WDFY3: variants seen among roughly 807,000 people sequenced by gnomAD.
WDFY3 encodes WD repeat and FYVE domain containing 3.
A neutral mutation model predicts 409.6 loss-of-function variants in WDFY3; 66 were observed. That is an observed-to-expected ratio of 0.16 (90% CI 0.13 to 0.20). The LOEUF is 0.20. WDFY3 is among the 10% of genes least tolerant of loss of function. The probability of loss-of-function intolerance (pLI) is 1.00; values close to 1 mark genes in which losing one functional copy is unlikely to be tolerated. For synonymous variants in WDFY3, 1,521 were observed against 1,537.1 expected (o/e 0.99, Z 0.25); for missense variants, 3,031 against 4,298.1 (o/e 0.71, Z 8.24).
chr4:84,692,704 G>GA (rs1306429045), intron 59 of WDFY3, among the ~76,000 whole-genome samples, 181 bp downstream of exon 59: 2 of 151,076 alleles, frequency 1.3e-5, no homozygotes, highest in Non-Finnish European at 3.0e-5. Context: ...AGAAAACAGA[G>GA]AAAAAAAAGC....
intron 2 of WDFY3, among the ~76,000 whole-genome samples, chr4:84,898,110 T>C (rs976379072): frequency 2.0e-5 from 3 of 152,228 alleles, no homozygotes; most frequent in African/African-American, 7.2e-5. Flanking sequence ...TTAATTTAAA[T>C]ATATGAAGTA....
chr4:84,723,777 A>G (rs532166316), intron 46 of WDFY3, among the ~76,000 whole-genome samples: 2 of 152,340 alleles, frequency 1.3e-5, no homozygotes, highest in Admixed American at 1.3e-4. Context: ...ATGATTTTAT[A>G]TATGACCAGT....
chr4:84,751,413 T>C, intron 36 of WDFY3, 70 bp downstream of exon 36: 1 of 1,474,522 alleles, frequency 6.8e-7, no homozygotes, highest in Non-Finnish European at 9.4e-7. Flanking sequence ...TTATAGAACT[T>C]GTTTGGTTAC....
At chr4:84,677,820 G>A (rs116254831) in intron 66 of WDFY3, among the ~76,000 whole-genome samples, 10,057 of 151,476 alleles carry the variant, frequency 0.066, 456 homozygotes, top group Admixed American at 0.12. Context: ...AAAATTAGCC[G>A]GGTGTGATGG....
intron 5 of WDFY3, among the ~76,000 whole-genome samples, chr4:84,848,255 A>G (rs1578799772): frequency 6.6e-6 from 1 of 151,932 alleles, no homozygotes; most frequent in East Asian, 1.9e-4. Context: ...AAAAGCTTCT[A>G]GAAAAAAAAA....
chr4:84,684,830 C>G (rs1728020060), intron 62 of WDFY3, among the ~76,000 whole-genome samples: 1 of 152,168 alleles, frequency 6.6e-6, no homozygotes. Context: ...AGGCTGGGCT[C>G]TACCTAACCT....
chr4:84,699,029 G>A (rs1328875714), intron 56 of WDFY3, among the ~76,000 whole-genome samples: 1 of 151,508 alleles, frequency 6.6e-6, no homozygotes, highest in Non-Finnish European at 1.5e-5. Flanking sequence ...TTTTTTCTGT[G>A]TGAAGAGGCA....
At chr4:84,769,407 T>TTTATTATTA (rs997944996) in intron 30 of WDFY3, among the ~76,000 whole-genome samples, 4 of 151,890 alleles carry the variant, frequency 2.6e-5, no homozygotes, top group African/African-American at 9.7e-5. Flanking sequence ...TTTTTTTGCT[T>TTTATTATTA]TTATTATTAT....
chr4:84,874,403 ACT>A (rs1355852789), intron 3 of WDFY3, among the ~76,000 whole-genome samples: 1 of 151,440 alleles, frequency 6.6e-6, no homozygotes, highest in African/African-American at 2.4e-5. Flanking sequence ...ACAGAGCGAG[ACT>A]CTGTCTCAAA....
At chr4:84,908,446 G>A (rs778657207) in intron 2 of WDFY3, among the ~76,000 whole-genome samples, 4 of 152,034 alleles carry the variant, frequency 2.6e-5, no homozygotes, top group Non-Finnish European at 4.4e-5. Flanking sequence ...AATCTTTATT[G>A]GTATACATGG....
At chr4:84,880,241 G>T (rs901700701) in intron 3 of WDFY3, among the ~76,000 whole-genome samples, 95 of 152,226 alleles carry the variant, frequency 6.2e-4, no homozygotes, top group African/African-American at 2.3e-3. Context: ...CGTCCAGAAA[G>T]AATGCAGCTC....
chr4:84,784,891 T>TATATATATATATATACACACACAC (rs1238884117), intron 24 of WDFY3, among the ~76,000 whole-genome samples: 3 of 36,916 alleles, frequency 8.1e-5, no homozygotes, highest in South Asian at 1.0e-3. Flanking sequence ...TATATATATA[T>TATATATATATATATACACACACAC]ACACACACAC....
rs1367765982 is a variant in WDFY3, at chr4:84,789,853, C to T, written c.3542G>A (p.Arg1181His). 5.0e-6 allele frequency: 8 copies of T among 1,614,018 alleles called. No individual in the cohort carries two copies. The highest frequency in any genetic ancestry group is 4.5e-5 in the East Asian group (2 of 44,876). The change falls in exon 22 of 68, where the codon CGC (arginine) becomes CAC (histidine). Residue 1181 changes from arginine (R) to histidine (H), a missense_variant. Arg to His is a conservative substitution (Grantham distance 29). Transcript: ENST00000295888. ...AATGATAAGCTCTCCACATCGAAAG[C>T]GAGCACAGCATGGGAGAATTTCATA... ...SFYEILPCCA[R>H]FRCGELIIEG... is the part of the protein sequence containing the mutation.
intron 59 of WDFY3, 28 bp downstream of exon 59, chr4:84,692,857 A>G (rs1578150094): frequency 6.4e-7 from 1 of 1,569,466 alleles, no homozygotes; most frequent in East Asian, 2.2e-5. Flanking sequence ...TAAATCATTA[A>G]TCAAAAGTTT....
Position 84,702,390 on chromosome 4 carries a change from T to C in WDFY3, c.8559A>G (p.Leu2853=). 6.2e-7 allele frequency: 1 copy of C among 1,613,060 alleles called. No homozygotes were observed. Among genetic ancestry groups the C allele is most frequent in the Non-Finnish European group, 8.5e-7 (1 of 1,179,706 alleles). ...VKELIPEFFY[L]PEFLFNSNNF... is the part of the protein sequence containing the mutation. ...TGTTGGAATTGAACAGGAATTCTGG[T>C]AAATAAAAGAACTCTGGGATAAGTT... is the stretch of plus-strand genomic sequence containing the variant. The change falls in exon 56 of 68, where the codon TTA becomes TTG. Residue 2853 remains leucine, a synonymous_variant. Coordinates refer to ENST00000295888, the MANE Select transcript of WDFY3 (RefSeq NM_014991.6).
chr4:84,841,358 G>T, intron 5 of WDFY3, 95 bp from the exon 6 acceptor site: 1 of 1,013,492 alleles, frequency 9.9e-7, no homozygotes, highest in Non-Finnish European at 1.5e-6. Flanking sequence ...AATTTACTAA[G>T]CACATAATTA....
intron 24 of WDFY3, among the ~76,000 whole-genome samples, chr4:84,784,881 TATATATATATAC>T (rs796470486): frequency 2.5e-4 from 22 of 87,336 alleles, no homozygotes; most frequent in East Asian, 7.2e-4. Flanking sequence ...TATATATATA[TATATATATATAC>T]ACACACACAC....
chr4:84,705,531 T>TTGGAATTGAGTTA lies in WDFY3; in HGVS notation c.8218-21_8218-20insTAACTCAATTCCA. 6.3e-7 allele frequency: 1 copy of TTGGAATTGAGTTA among 1,588,342 alleles called. No homozygotes were observed. The highest frequency in any genetic ancestry group is 8.6e-7 in the Non-Finnish European group (1 of 1,156,946). On this transcript the variant is annotated intron_variant, in intron 53 of 67. Transcript: ENST00000295888. Reference sequence around the variant, plus strand: ...CACCTCCTAAAATACAAAATGTAACTCAATTCCAAGTTACTATACACTATC... The same window carrying TTGGAATTGAGTTA: ...CACCTCCTAAAATACAAAATGTAACTTGGAATTGAGTTACAATTCCAAGTTACTATACACTATC...
At chr4:84,716,659 C>T (rs1733988986) in intron 49 of WDFY3, among the ~76,000 whole-genome samples, 2 of 150,916 alleles carry the variant, frequency 1.3e-5, no homozygotes, top group South Asian at 2.1e-4. Flanking sequence ...ATTAGCCTGG[C>T]GTGGTGGCGG....
Sources: allele counts gnomAD v4.1 joint callset (sites outside exome capture counted in the v4.1 genomes callset), GRCh38; gene constraint gnomAD v4.1.1; transcripts MANE v1.5; gene names NCBI Gene and HGNC (gene_info 2026-07-23, HGNC 2026-07-21).